ADGRF5: variants seen among roughly 807,000 people sequenced by gnomAD.
ADGRF5 encodes the protein adhesion G protein-coupled receptor F5.
A neutral mutation model predicts 132.3 loss-of-function variants in ADGRF5; 75 were observed. The ratio of observed to expected loss-of-function variants is 0.57; its 90% CI spans 0.47 to 0.69. ADGRF5 has a LOEUF of 0.69. Among genes scored for constraint, ADGRF5 ranks in the 30% least tolerant of loss-of-function variants. The probability of loss-of-function intolerance (pLI) is 0.00; values close to 1 mark genes in which losing one functional copy is unlikely to be tolerated. For synonymous variants in ADGRF5, 629 were observed against 597.6 expected (o/e 1.05, Z -0.77); for missense variants, 1,516 against 1,630.6 (o/e 0.93, Z 1.21).
chr6:46,892,213 AAGAG>A (rs1432956964), intron 3 of ADGRF5, among the ~76,000 whole-genome samples: 2 of 143,612 alleles, frequency 1.4e-5, no homozygotes, highest in South Asian at 2.3e-4. Flanking sequence ...CACACACAGA[AAGAG>A]AGAGAGAGAT....
At chr6:46,857,297 G>A (rs1349707980) in intron 17 of ADGRF5, among the ~76,000 whole-genome samples, 1 of 152,162 alleles carries the variant, frequency 6.6e-6, no homozygotes, top group Non-Finnish European at 1.5e-5. Flanking sequence ...GAACTACATA[G>A]CTTGGAGACA....
rs1157213256 is a variant in ADGRF5 at position 46,898,486 on chromosome 6, G to T, written c.157+1543C>A. On this transcript the variant is annotated intron_variant, in intron 3 of 20. Transcript: ENST00000283296. ...ATACTGTGCCATAGGCCACTTCAGG[G>T]AAGGAGGGAGAAAGGGAGCATGGGA... is the stretch of plus-strand genomic sequence containing the variant. 2.0e-5 allele frequency among the ~76,000 whole-genome samples: 3 copies of T among 152,134 alleles called. No homozygotes were observed. The East Asian group carries it at 5.8e-4, about 29-fold the overall frequency.
intron 10 of ADGRF5, 68 bp downstream of exon 10, chr6:46,878,134 C>A (rs1772018014): frequency 2.1e-6 from 2 of 967,222 alleles, no homozygotes; most frequent in African/African-American, 3.2e-5. Context: ...CCATACGCCA[C>A]ATCTCCCATT....
chr6:46,883,479 C>A (rs1319802477), intron 6 of ADGRF5, 80 bp downstream of exon 6: 3 of 714,900 alleles, frequency 4.2e-6, no homozygotes, highest in Non-Finnish European at 7.4e-6. Context: ...CAGATCCAAG[C>A]CATGTTCATT....
At chr6:46,909,981 C>T (rs1775773105) in intron 1 of ADGRF5, among the ~76,000 whole-genome samples, 1 of 151,192 alleles carries the variant, frequency 6.6e-6, no homozygotes, top group Non-Finnish European at 1.5e-5. Flanking sequence ...CTAGTCCAAC[C>T]TCTAACAGAG....
intron 5 of ADGRF5, 85 bp downstream of exon 5, chr6:46,884,009 TG>T: frequency 1.8e-6 from 2 of 1,092,342 alleles, no homozygotes; most frequent in Non-Finnish European, 2.7e-6. Flanking sequence ...ATCAAAGTGC[TG>T]GGATTACAGG....
In ADGRF5 at chr6:46,883,573, C is replaced by T. The variant is rs1221555872; in HGVS notation, c.598G>A (p.Asp200Asn). 8 of 1,602,000 alleles carry T rather than the reference C, an allele frequency of 5.0e-6. No individual in the cohort carries two copies. Among genetic ancestry groups the T allele is most frequent in the Non-Finnish European group, 5.1e-6 (6 of 1,171,406 alleles). The change falls in exon 6 of 21, where the codon GAC (aspartate) becomes AAC (asparagine). Residue 200 changes from aspartate to asparagine, a missense_variant. Physicochemically the swap from Asp to Asn is conservative, Grantham distance 23. Around this residue, in one of 2 missense-constraint regions of ADGRF5, gnomAD observed 945 missense variants for 929.4 expected, o/e 1.02. Coordinates refer to ENST00000283296, the MANE Select transcript of ADGRF5 (RefSeq NM_001098518.2). Reference protein sequence around the residue: ...SSALYRSYKTDLETAFRKGYG... With the variant: ...SSALYRSYKTNLETAFRKGYG... ...CCAAAACCTACCGCTGTTTCCAAGT[C>T]GGTCTTGTAGGACCTATAGAGGGCG...
chr6:46,898,203 T>G (rs1774382050), intron 3 of ADGRF5, among the ~76,000 whole-genome samples: 1 of 152,158 alleles, frequency 6.6e-6, no homozygotes, highest in Non-Finnish European at 1.5e-5. Flanking sequence ...GGCTCAGAAG[T>G]GCAGGAAGAC....
intron 14 of ADGRF5, among the ~76,000 whole-genome samples, chr6:46,863,783 A>G (rs630986): frequency 0.84 from 126,931 of 151,904 alleles, 54,838 homozygotes; most frequent in East Asian, 0.99. Flanking sequence ...GTAATGTTCT[A>G]CTAGGAAAAA....
intron 16 of ADGRF5, among the ~76,000 whole-genome samples, chr6:46,860,224 C>T (rs1197766976): frequency 4.6e-5 from 7 of 152,124 alleles, no homozygotes; most frequent in Non-Finnish European, 8.8e-5. Context: ...TCTCTGAGTG[C>T]CTCATCACCC....
Position 46,869,103 on chromosome 6 carries a change from G to A in ADGRF5, c.1412-11C>T, listed in dbSNP as rs1770773171. On this transcript the variant is annotated splice_polypyrimidine_tract_variant and intron_variant, in intron 11 of 20. Transcript: ENST00000283296. Reference sequence around the variant, plus strand: ...TTATTGTTAGATTGGCTGAAAAAAAGGCAAACAAAACAGACAAAAGAAAAC... The same window carrying A: ...TTATTGTTAGATTGGCTGAAAAAAAAGCAAACAAAACAGACAAAAGAAAAC... 1 of 1,611,418 alleles carries A rather than the reference G, an allele frequency of 6.2e-7. No individual in the cohort carries two copies. Among genetic ancestry groups the A allele is most frequent in the East Asian group, 2.2e-5 (1 of 44,848 alleles).
intron 1 of ADGRF5, among the ~76,000 whole-genome samples, chr6:46,947,379 A>G (rs1778334810): frequency 6.6e-6 from 1 of 152,218 alleles, no homozygotes; most frequent in Admixed American, 6.5e-5. Flanking sequence ...AACCTTTTAA[A>G]ATGCAATACG....
Position 46,921,908 on chromosome 6 carries a change from C to T in ADGRF5, c.-220G>A, listed in dbSNP as rs1370011954. 1 of 152,346 alleles carries T rather than the reference C, an allele frequency of 6.6e-6. No individual in the cohort carries two copies. The allele number at this position is 152,346 out of a possible 1,614,324, so 9.4% of individuals were successfully genotyped here. A position where few individuals can be genotyped will look rare whatever the true frequency, so the allele number is the denominator to read the frequency against. ...GCACCGCTCCCACGCTCAGCCTCCC[C>T]CAGCTATGATCCTCCCAGTCTCACA... On this transcript the variant is annotated 5_prime_UTR_variant, in exon 1 of 21. Coordinates refer to ENST00000283296, the MANE Select transcript of ADGRF5 (RefSeq NM_001098518.2).
chr6:46,931,773 T>C (rs1777567293), intron 1 of ADGRF5, among the ~76,000 whole-genome samples: 1 of 152,116 alleles, frequency 6.6e-6, no homozygotes, highest in Non-Finnish European at 1.5e-5. Context: ...TCACTGACTG[T>C]CACTAAAAGA....
chr6:46,891,588 A>G (rs537682802), intron 3 of ADGRF5, among the ~76,000 whole-genome samples: 1 of 152,316 alleles, frequency 6.6e-6, no homozygotes, highest in Admixed American at 6.5e-5. Flanking sequence ...CCACTTCATT[A>G]CTGGCTTTGT....
intron 1 of ADGRF5, among the ~76,000 whole-genome samples, chr6:46,945,587 G>T (rs1042424914): frequency 1.3e-5 from 2 of 152,222 alleles, no homozygotes; most frequent in Non-Finnish European, 2.9e-5. Context: ...TGTAAAACAG[G>T]CTTGGGACAG....
At chr6:46,921,173 G>T (rs220719) in intron 1 of ADGRF5, among the ~76,000 whole-genome samples, 53,785 of 152,090 alleles carry the variant, frequency 0.35, 11,576 homozygotes, top group East Asian at 0.48. Context: ...CCTCAGTCCT[G>T]TGTGGGAGGC....
At position 46,863,034 on chromosome 6, in the gene ADGRF5, T is replaced by G; in HGVS notation, c.2053A>C (p.Lys685Gln). 6.2e-7 allele frequency: 1 copy of G among 1,614,046 alleles called. No individual in the cohort carries two copies. The highest frequency in any genetic ancestry group is 8.5e-7 in the Non-Finnish European group (1 of 1,179,986). ...GVGEPGKVIQ[K>Q]LCRFSNVPSS... ...GGAACGTTTGAGAACCGGCATAGCT[T>G]CTGGATGACTTTCCCCGGCTCTCCG... Residue 685 changes from lysine (K) to glutamine (Q), a missense_variant, in exon 15 of 21, where the codon AAG becomes CAG. By Grantham distance (53) the Lys-to-Gln change is moderately conservative. Transcript: ENST00000283296.
intron 4 of ADGRF5, 167 bp downstream of exon 4, chr6:46,888,168 T>C (rs1055931423): frequency 1.0e-5 from 6 of 580,192 alleles, no homozygotes; most frequent in Non-Finnish European, 1.8e-5. Context: ...AGTTTACTGA[T>C]AGAGGCTTCA....
Sources: gnomAD v4.1 joint callset for allele counts (sites outside exome capture counted in the v4.1 genomes callset) on GRCh38, gnomAD v4.1.1 for gene constraint, gnomAD v4.1.1 regional missense constraint, MANE v1.5 for transcripts, NCBI Gene and HGNC (gene_info 2026-07-23, HGNC 2026-07-21) for gene names.